Variants in MIR2052HG observed in about 807,000 individuals in gnomAD.
The protein encoded by MIR2052HG is MIR2052 host gene.
At chr8:74,607,469 G>A (rs1055459288) in intron 1 of MIR2052HG, among the ~76,000 whole-genome samples, 7 of 152,038 alleles carry the variant, frequency 4.6e-5, no homozygotes, top group African/African-American at 1.4e-4. Flanking sequence ...AAAATTAGCC[G>A]GGCGTGGTGG....
intron 2 of MIR2052HG, among the ~76,000 whole-genome samples, chr8:74,641,973 C>G (rs1808643258): frequency 6.6e-6 from 1 of 152,016 alleles, no homozygotes; most frequent in South Asian, 2.1e-4. Context: ...GCTGGTGAGG[C>G]AGTACAGGGG....
At chr8:74,719,842 CTTTTTTCT>C (rs1809556688) in intron 4 of MIR2052HG, among the ~76,000 whole-genome samples, 1 of 92,846 alleles carries the variant, frequency 1.1e-5, no homozygotes, top group Non-Finnish European at 2.1e-5. Context: ...TTTTTTTTTT[CTTTTTTCT>C]TTTTTTTTTT....
intron 4 of MIR2052HG, among the ~76,000 whole-genome samples, chr8:74,718,587 C>T (rs1809543973): frequency 6.6e-6 from 1 of 152,028 alleles, no homozygotes; most frequent in Non-Finnish European, 1.5e-5. Context: ...GAACTTAGTC[C>T]CTGAGGTCAC....
At chr8:74,719,512 G>A (rs772239449) in intron 4 of MIR2052HG, among the ~76,000 whole-genome samples, 13 of 152,094 alleles carry the variant, frequency 8.5e-5, no homozygotes, top group Non-Finnish European at 1.8e-4. Flanking sequence ...AAGCCAAACC[G>A]ACTTCTAGAC....
intron 4 of MIR2052HG, among the ~76,000 whole-genome samples, chr8:74,716,501 A>C (rs1809523138): frequency 1.3e-5 from 2 of 152,158 alleles, no homozygotes; most frequent in Admixed American, 6.5e-5. Flanking sequence ...TCACAAGGTC[A>C]GGAGTTTGAG....
intron 2 of MIR2052HG, among the ~76,000 whole-genome samples, chr8:74,642,934 A>G (rs568402786): frequency 1.3e-5 from 2 of 152,332 alleles, no homozygotes; most frequent in South Asian, 2.1e-4. Context: ...TTTATCAGAC[A>G]GGTAGAAATA....
At chr8:74,617,459 GTGTGTGTGT>G (rs761959599) in intron 2 of MIR2052HG, among the ~76,000 whole-genome samples, 2 of 20,720 alleles carry the variant, frequency 9.7e-5, no homozygotes, top group Non-Finnish European at 1.4e-4. Context: ...TCCATTGGGT[GTGTGTGTGT>G]GTGTGTGTGT....
At chr8:74,724,852 G>A (rs1809617215) in intron 4 of MIR2052HG, among the ~76,000 whole-genome samples, 1 of 152,036 alleles carries the variant, frequency 6.6e-6, no homozygotes, top group African/African-American at 2.4e-5. Flanking sequence ...CTGTATTATG[G>A]ACTTTTTTTT....
intron 4 of MIR2052HG, among the ~76,000 whole-genome samples, chr8:74,727,321 A>T (rs1262043529): frequency 6.6e-6 from 1 of 152,258 alleles, no homozygotes; most frequent in African/African-American, 2.4e-5. Context: ...GCACTAAAGC[A>T]GGGTCTGGAA....
intron 2 of MIR2052HG, among the ~76,000 whole-genome samples, chr8:74,659,379 T>G (rs1256176880): frequency 6.6e-6 from 1 of 152,232 alleles, no homozygotes; most frequent in African/African-American, 2.4e-5. Flanking sequence ...ATAAAGTGTA[T>G]AGTTGAAACA....
At chr8:74,606,607 C>G (rs1295222219) in intron 1 of MIR2052HG, among the ~76,000 whole-genome samples, 1 of 152,104 alleles carries the variant, frequency 6.6e-6, no homozygotes, top group Admixed American at 6.6e-5. Flanking sequence ...CAATAGTTCT[C>G]ACTTATAAGT....
chr8:74,612,798 G>C, intron 1 of MIR2052HG: 1 of 435,264 alleles, frequency 2.3e-6, no homozygotes, highest in South Asian at 1.6e-5. Flanking sequence ...TGTAGTAAAA[G>C]AAGCAGGAAA....
At chr8:74,756,249 C>T (rs1001685282) in intron 5 of MIR2052HG, among the ~76,000 whole-genome samples, 1 of 152,154 alleles carries the variant, frequency 6.6e-6, no homozygotes, top group Non-Finnish European at 1.5e-5. Context: ...TGTCTCCAGC[C>T]CCACTCCACT....
intron 2 of MIR2052HG, among the ~76,000 whole-genome samples, chr8:74,624,930 A>G (rs1318111591): frequency 2.6e-5 from 4 of 152,232 alleles, no homozygotes; most frequent in Non-Finnish European, 5.9e-5. Flanking sequence ...AAGATCATGG[A>G]AAGTTGGACA....
At chr8:74,737,179 C>G (rs1293106751) in intron 4 of MIR2052HG, among the ~76,000 whole-genome samples, 2 of 152,142 alleles carry the variant, frequency 1.3e-5, no homozygotes, top group African/African-American at 4.8e-5. Context: ...CTTTTTGCAA[C>G]CAATCAGATG....
At chr8:74,678,026 T>A (rs1435938149) in intron 2 of MIR2052HG, among the ~76,000 whole-genome samples, 1 of 151,940 alleles carries the variant, frequency 6.6e-6, no homozygotes, top group African/African-American at 2.4e-5. Context: ...TGTTTGAGAG[T>A]ATTAACAAAA....
At chr8:74,612,857 C>T (rs770452507) in exon 2 of MIR2052HG, 42 of 456,034 alleles carry the variant, frequency 9.2e-5, no homozygotes, top group Non-Finnish European at 7.1e-5. Context: ...CTGCAGTTCC[C>T]GAGAGATCCC....
chr8:74,741,832 C>T (rs1809834831), intron 4 of MIR2052HG, among the ~76,000 whole-genome samples: 1 of 152,076 alleles, frequency 6.6e-6, no homozygotes. Flanking sequence ...CAAGATAAAG[C>T]ACAAAAATGT....
intron 2 of MIR2052HG, among the ~76,000 whole-genome samples, chr8:74,631,521 T>C (rs1808511486): frequency 1.3e-5 from 2 of 152,214 alleles, no homozygotes; most frequent in Non-Finnish European, 1.5e-5. Context: ...TTTTATGACA[T>C]AGAGGTTTAA....
Sources: allele counts gnomAD v4.1 joint callset (sites outside exome capture counted in the v4.1 genomes callset), GRCh38; gene constraint gnomAD v4.1.1; transcripts MANE v1.5; gene names NCBI Gene and HGNC (gene_info 2026-07-23, HGNC 2026-07-21).